HS6ST2: variants seen among roughly 807,000 people sequenced by gnomAD.
The protein encoded by HS6ST2 is heparan sulfate 6-O-sulfotransferase 2, also known as heparan-sulfate 6-O-sulfotransferase 2.
In HS6ST2, 17 loss-of-function variants were observed where a neutral mutation model predicts 33.0. The ratio of observed to expected loss-of-function variants is 0.52; its 90% CI spans 0.35 to 0.77. The LOEUF is 0.77. Among genes scored for constraint, HS6ST2 ranks in the 30% least tolerant of loss-of-function variants. The pLI, the probability that HS6ST2 is intolerant of heterozygous loss-of-function variation, is 0.01. For synonymous variants in HS6ST2, 248 were observed against 237.1 expected, an observed-to-expected ratio of 1.05 and a Z score of -0.42; for missense variants, 519 against 551.7, an observed-to-expected ratio of 0.94 and a Z score of 0.59.
chrX:132,635,393 AC>A (rs1186385216), intron 4 of HS6ST2, among the ~76,000 whole-genome samples: 2 of 110,485 alleles, frequency 1.8e-5, no homozygotes, highest in East Asian at 5.7e-4. Flanking sequence ...CCACTTCCAC[AC>A]CCCCAGATGG....
intron 2 of HS6ST2, among the ~76,000 whole-genome samples, chrX:132,877,355 TA>T (rs901347172): frequency 1.8e-5 from 2 of 112,767 alleles, no homozygotes; most frequent in Non-Finnish European, 3.7e-5. Context: ...TTTGCACTTA[TA>T]ATTTCTTAAA....
chrX:132,709,058 T>C (rs771061907), intron 2 of HS6ST2, among the ~76,000 whole-genome samples: 32 of 112,456 alleles, frequency 2.8e-4, no homozygotes, highest in Non-Finnish European at 4.1e-4. Flanking sequence ...CTCTAGTCCC[T>C]TCCACCCAAA....
chrX:132,939,633 C>CA (rs757670143), intron 2 of HS6ST2, among the ~76,000 whole-genome samples: 9 of 109,521 alleles, frequency 8.2e-5, no homozygotes, highest in African/African-American at 1.3e-4. Context: ...AACAAACAAA[C>CA]AAAAAAAACT....
At chrX:132,689,310 C>T (rs2064042820) in intron 3 of HS6ST2, among the ~76,000 whole-genome samples, 1 of 112,238 alleles carries the variant, frequency 8.9e-6, no homozygotes, top group African/African-American at 3.2e-5. Flanking sequence ...TCTCCACAAT[C>T]TGCCTGATAG....
At chrX:132,668,585 C>G (rs1157790871) in intron 4 of HS6ST2, among the ~76,000 whole-genome samples, 1 of 111,484 alleles carries the variant, frequency 9.0e-6, no homozygotes, top group Non-Finnish European at 1.9e-5. Context: ...TCATGTAGGA[C>G]TTGGTGCATA....
At chrX:132,700,485 G>C (rs1313502341) in intron 3 of HS6ST2, among the ~76,000 whole-genome samples, 2 of 109,230 alleles carry the variant, frequency 1.8e-5, no homozygotes, top group East Asian at 5.7e-4. Context: ...TAATCTAATA[G>C]TTTCTAACTT....
intron 2 of HS6ST2, among the ~76,000 whole-genome samples, chrX:132,909,204 A>G (rs1230704991): frequency 9.0e-6 from 1 of 111,728 alleles, no homozygotes; most frequent in Non-Finnish European, 1.9e-5. Context: ...GCTCTAATTA[A>G]GTAAAATATT....
rs1489360653 is a variant in HS6ST2 at position 132,878,753 on chromosome X, C to G, written c.947+78055G>C. ...AATAATCATAAACCTATCATATTGT[C>G]AAAATGTGGAACATTTGTCATAAGG... On this transcript the variant is annotated intron_variant, in intron 2 of 4. Transcript: ENST00000370833. 2.7e-5 allele frequency among the ~76,000 whole-genome samples: 3 copies of G among 111,286 alleles called. No homozygotes were observed. In the Admixed American group the frequency reaches 2.9e-4, roughly 11 times the overall value.
At chrX:132,704,542 GA>G (rs1424778262) in intron 3 of HS6ST2, among the ~76,000 whole-genome samples, 2 of 109,789 alleles carry the variant, frequency 1.8e-5, no homozygotes, top group African/African-American at 6.6e-5. Flanking sequence ...TAACAAGAGC[GA>G]AAAAAACTCG....
chrX:132,717,228 A>G (rs2064282977), intron 2 of HS6ST2, among the ~76,000 whole-genome samples: 1 of 113,077 alleles, frequency 8.8e-6, no homozygotes, highest in Non-Finnish European at 1.9e-5. Flanking sequence ...GGTGGGAACC[A>G]CTGGATTTGG....
rs925854790 is a variant in HS6ST2, at chrX:132,630,360, C to A, written c.1068-1267G>T. On this transcript the variant is annotated intron_variant, in intron 4 of 4. Coordinates refer to ENST00000370833, the MANE Select transcript of HS6ST2 (RefSeq NM_001394073.1). ...GAGGAGCCACAGGGAACCTGCTCAG[C>A]CACCTGCTTAACTGAATATTGGCTG... Among the ~76,000 whole-genome samples, 8 of 112,044 alleles carry A rather than the reference C, an allele frequency of 7.1e-5. No homozygotes were observed. In the Admixed American group the frequency reaches 7.6e-4, roughly 11 times the overall value.
At chrX:132,844,282 C>T (rs1021902427) in intron 2 of HS6ST2, among the ~76,000 whole-genome samples, 1 of 111,297 alleles carries the variant, frequency 9.0e-6, no homozygotes, top group African/African-American at 3.3e-5. Flanking sequence ...CACTGACTAA[C>T]CCAGATGAAG....
At chrX:132,727,769 C>G (rs1416917470) in intron 2 of HS6ST2, among the ~76,000 whole-genome samples, 4 of 111,132 alleles carry the variant, frequency 3.6e-5, no homozygotes, top group African/African-American at 6.6e-5. Flanking sequence ...AACCTTGTAC[C>G]CATTAAGTAA....
chrX:132,757,649 C>G (rs1346317175), intron 2 of HS6ST2, among the ~76,000 whole-genome samples: 1 of 111,007 alleles, frequency 9.0e-6, no homozygotes, highest in Non-Finnish European at 1.9e-5. Flanking sequence ...CCACGTGCAA[C>G]TTCCCTTGCA....
At chrX:132,957,646 C>T (rs2067098678) in intron 1 of HS6ST2, among the ~76,000 whole-genome samples, 1 of 109,363 alleles carries the variant, frequency 9.1e-6, no homozygotes, top group Non-Finnish European at 1.9e-5. Flanking sequence ...CCCAGTGGGA[C>T]CCCTCCGGGC....
At chrX:132,841,640 G>A (rs1465073088) in intron 2 of HS6ST2, among the ~76,000 whole-genome samples, 1 of 111,809 alleles carries the variant, frequency 8.9e-6, no homozygotes, top group Non-Finnish European at 1.9e-5. Flanking sequence ...AGGCCCTACT[G>A]TGACAGTTCT....
At chrX:132,915,565 T>G (rs2066577833) in intron 2 of HS6ST2, among the ~76,000 whole-genome samples, 1 of 111,112 alleles carries the variant, frequency 9.0e-6, no homozygotes, top group Non-Finnish European at 1.9e-5. Context: ...TTCTCATCCA[T>G]AAAATGGAGG....
intron 2 of HS6ST2, among the ~76,000 whole-genome samples, chrX:132,879,924 TCTC>T (rs1297151916): frequency 9.0e-6 from 1 of 111,125 alleles, no homozygotes; most frequent in Admixed American, 9.6e-5. Flanking sequence ...CCCTGGCACA[TCTC>T]CTCCACTTCT....
At chrX:132,828,751 CAT>C (rs2065555736) in intron 2 of HS6ST2, among the ~76,000 whole-genome samples, 1 of 90,682 alleles carries the variant, frequency 1.1e-5, no homozygotes, top group Admixed American at 1.2e-4. Context: ...CACACACAAA[CAT>C]AGGTGTGATT....
Sources: gnomAD v4.1 joint callset for allele counts (sites outside exome capture counted in the v4.1 genomes callset) on GRCh38, gnomAD v4.1.1 for gene constraint, MANE v1.5 for transcripts, NCBI Gene and HGNC (gene_info 2026-07-23, HGNC 2026-07-21) for gene names.